Variants in SLC25A40 observed in about 807,000 individuals in gnomAD.
SLC25A40 encodes solute carrier family 25 member 40, also known as mitochondrial glutathione transporter SLC25A40.
In SLC25A40, 41 loss-of-function variants were observed where a neutral mutation model predicts 46.5. The observed-to-expected ratio is 0.88, with a 90% CI of 0.69 to 1.14. The LOEUF (loss-of-function observed/expected upper bound fraction) is 1.14, where lower values mean the gene tolerates loss of function less well. Ranked by LOEUF, SLC25A40 falls within the 50% of genes most tolerant of loss-of-function variation. SLC25A40 has a pLI of 0.00. For synonymous variants in SLC25A40, 126 were observed against 127.5 expected, an observed-to-expected ratio of 0.99 and a Z score of 0.08; for missense variants, 386 against 393.6, an observed-to-expected ratio of 0.98 and a Z score of 0.16.
At chr7:87,850,975 G>C (rs1048108998) in intron 5 of SLC25A40, among the ~76,000 whole-genome samples, 2 of 152,146 alleles carry the variant, frequency 1.3e-5, no homozygotes, top group African/African-American at 4.8e-5. Flanking sequence ...GAATGGTGTA[G>C]CTACTTTAGA....
intron 1 of SLC25A40, among the ~76,000 whole-genome samples, chr7:87,860,973 G>A (rs1476725850): frequency 2.0e-5 from 3 of 152,198 alleles, no homozygotes; most frequent in African/African-American, 7.2e-5. Context: ...TAAAGGGCCA[G>A]CATCATCTAT....
intron 10 of SLC25A40, among the ~76,000 whole-genome samples, chr7:87,840,452 C>A (rs191488984): frequency 6.6e-6 from 1 of 151,874 alleles, no homozygotes; most frequent in East Asian, 1.9e-4. Flanking sequence ...TCTACCTGTA[C>A]AGATTCCCAT....
chr7:87,872,817 C>T (rs1172307590), intron 1 of SLC25A40, among the ~76,000 whole-genome samples: 3 of 152,124 alleles, frequency 2.0e-5, no homozygotes, highest in African/African-American at 7.2e-5. Flanking sequence ...CAAAAATTAG[C>T]TGGGCATGGT....
intron 1 of SLC25A40, among the ~76,000 whole-genome samples, chr7:87,863,649 G>A (rs1000898149): frequency 1.3e-5 from 2 of 150,860 alleles, no homozygotes; most frequent in Admixed American, 6.7e-5. Context: ...CATTAATATA[G>A]TGTGTCAAGA....
intron 1 of SLC25A40, among the ~76,000 whole-genome samples, chr7:87,869,795 G>T (rs1056020241): frequency 6.6e-6 from 1 of 152,134 alleles, no homozygotes; most frequent in Admixed American, 6.5e-5. Context: ...ATGATTATCT[G>T]TTTAAATCTT....
rs1562743657 is a variant in SLC25A40, at chr7:87,847,084, T to C, written c.496A>G (p.Arg166Gly). 3.1e-6 allele frequency: 5 copies of C among 1,613,034 alleles called. No homozygotes were observed. The highest frequency in any genetic ancestry group is 4.2e-6 in the Non-Finnish European group (5 of 1,179,576). ...VTVISPLELIRTKMQSKKFSY... is the reference protein window; with the variant it reads ...VTVISPLELIGTKMQSKKFSY... Reference sequence around the variant, plus strand: ...AACTTCTTGGACTGCATCTTGGTTCTAATCAATTCTAGTGGACTTATCACA... The same window carrying C: ...AACTTCTTGGACTGCATCTTGGTTCCAATCAATTCTAGTGGACTTATCACA... The change falls in exon 8 of 12, where the codon AGA (arginine) becomes GGA (glycine). Residue 166 changes from arginine to glycine, a missense_variant. Coordinates refer to ENST00000341119, the MANE Select transcript of SLC25A40 (RefSeq NM_018843.4).
At chr7:87,872,185 T>C (rs370289522) in intron 1 of SLC25A40, among the ~76,000 whole-genome samples, 27 of 152,220 alleles carry the variant, frequency 1.8e-4, no homozygotes, top group African/African-American at 5.3e-4. Context: ...TTTTGTGGGT[T>C]TGACAAACTC....
At chr7:87,846,504 G>C (rs547483168) in intron 8 of SLC25A40, among the ~76,000 whole-genome samples, 2 of 152,090 alleles carry the variant, frequency 1.3e-5, no homozygotes, top group East Asian at 3.8e-4. Context: ...ATTTGTAATA[G>C]TCTTTTACAG....
At chr7:87,841,559 T>C in intron 10 of SLC25A40, 74 bp downstream of exon 10, 1 of 782,004 alleles carries the variant, frequency 1.3e-6, no homozygotes, top group Non-Finnish European at 1.9e-6. Context: ...TTCCTTATTT[T>C]AGATATCCCT....
At chr7:87,857,544 G>A (rs1838633093) in intron 3 of SLC25A40, among the ~76,000 whole-genome samples, 1 of 152,162 alleles carries the variant, frequency 6.6e-6, no homozygotes. Flanking sequence ...GATCCTGAAT[G>A]GAGGGACCAG....
intron 1 of SLC25A40, among the ~76,000 whole-genome samples, chr7:87,863,285 C>T (rs1391584743): frequency 6.6e-6 from 1 of 151,880 alleles, no homozygotes; most frequent in Non-Finnish European, 1.5e-5. Context: ...TGAGAGGGAC[C>T]CAGTGAGAGG....
intron 1 of SLC25A40, among the ~76,000 whole-genome samples, chr7:87,865,800 G>A (rs986064319): frequency 1.3e-5 from 2 of 152,104 alleles, no homozygotes; most frequent in Non-Finnish European, 2.9e-5. Flanking sequence ...TATTCTTGGG[G>A]ACTGTGCACA....
At chr7:87,862,512 C>T (rs1238396881) in intron 1 of SLC25A40, among the ~76,000 whole-genome samples, 1 of 152,074 alleles carries the variant, frequency 6.6e-6, no homozygotes, top group Non-Finnish European at 1.5e-5. Context: ...ATTCACTTAA[C>T]CAGGAGATTA....
intron 2 of SLC25A40, chr7:87,860,191 A>G (rs1838675856): frequency 1.3e-5 from 2 of 152,260 alleles, no homozygotes; most frequent in South Asian, 4.1e-4. Flanking sequence ...AGAAGACTAC[A>G]TGTCAAAATC....
chr7:87,858,781 A>C lies in SLC25A40; in HGVS notation c.-24-30T>G, dbSNP rs1838652276. 3 of 1,204,708 alleles carry C rather than the reference A, an allele frequency of 2.5e-6. No individual in the cohort carries two copies. The Admixed American group carries it at 5.2e-5, about 21-fold the overall frequency. The allele number at this position is 1,204,708 out of a possible 1,614,324, so 74.6% of individuals were successfully genotyped here. ...TAAAAAGAAAACATAAAATTAGAGC[A>C]CATCCTCTGATCTTTCAAAAATGAT... is the stretch of plus-strand genomic sequence containing the variant. On this transcript the variant is annotated intron_variant, in intron 2 of 11. Coordinates refer to ENST00000341119, the MANE Select transcript of SLC25A40 (RefSeq NM_018843.4).
intron 1 of SLC25A40, among the ~76,000 whole-genome samples, chr7:87,866,474 T>C (rs1031116513): frequency 6.6e-6 from 1 of 152,262 alleles, no homozygotes; most frequent in African/African-American, 2.4e-5. Context: ...ATCCTTTCTT[T>C]ATCCTTGCCC....
At position 87,843,860 on chromosome 7, in the gene SLC25A40, A is replaced by G. The variant is rs147753823; in HGVS notation, c.635T>C (p.Met212Thr). The G allele has an allele frequency of 1.3e-6, 2 of 1,579,270 alleles. No homozygotes were observed. Among genetic ancestry groups the G allele is most frequent in the African/African-American group, 1.4e-5 (1 of 73,712 alleles). The change falls in exon 9 of 12, where the codon ATG (methionine) becomes ACG (threonine). Residue 212 changes from methionine to threonine, a missense_variant. Met to Thr is a moderately conservative substitution (Grantham distance 81, BLOSUM62 -1). Transcript: ENST00000341119. Reference protein sequence around the residue: ...TVLRDVPFSAMYWYNYEILKK... With the variant: ...TVLRDVPFSATYWYNYEILKK... The stretch of plus-strand genomic sequence containing the variant: ...TAAAATTTCATAGTTATACCAGTAC[A>G]TTGCTATAAAAACAGAGAATGAAAT...
chr7:87,838,992 C>T (rs1311123654), intron 10 of SLC25A40, among the ~76,000 whole-genome samples: 2 of 151,528 alleles, frequency 1.3e-5, no homozygotes, highest in Non-Finnish European at 3.0e-5. Context: ...TTTTAACAAT[C>T]TTGCCATGGA....
At chr7:87,873,793 AT>A (rs1838931054) in intron 1 of SLC25A40, among the ~76,000 whole-genome samples, 1 of 152,158 alleles carries the variant, frequency 6.6e-6, no homozygotes, top group Admixed American at 6.5e-5. Context: ...AATGAATAAA[AT>A]TCATTTCTCT....
Sources: allele counts gnomAD v4.1 joint callset (sites outside exome capture counted in the v4.1 genomes callset), GRCh38; gene constraint gnomAD v4.1.1; transcripts MANE v1.5; gene names NCBI Gene and HGNC (gene_info 2026-07-23, HGNC 2026-07-21).